The following UBXN8 variants were observed in gnomAD, a reference collection of about 807,000 sequenced individuals.
UBXN8 encodes UBX domain protein 8.
UBXN8 carries 27 observed loss-of-function variants against 32.1 expected under a neutral mutation model. That is an observed-to-expected ratio of 0.84 (90% confidence interval 0.62 to 1.16). The LOEUF is 1.16. UBXN8 is among the 50% of genes most tolerant of loss of function. UBXN8 has a pLI of 0.00. For missense variants in UBXN8, 306 were observed against 311.4 expected (o/e 0.98, Z 0.13); for synonymous variants, 109 against 111.8 (o/e 0.98, Z 0.16).
In UBXN8 at chr8:30,738,936, AC is replaced by A. The variant is rs1805129850; in HGVS notation, c.622+5629del. 1.3e-5 allele frequency among the ~76,000 whole-genome samples: 2 copies of A among 150,900 alleles called. 1 individual carries two copies. The highest frequency in any genetic ancestry group is 4.8e-5 in the African/African-American group (2 of 41,334). On this transcript the variant is annotated intron_variant, in intron 1 of 1. Coordinates refer to the UBXN8 transcript ENST00000522968. ...GTGCTATTGCACTCCAGCGTGGGCAACAAGAGTGAAACTCCATCTCAAAAAA... is the reference window on the plus strand; with the variant it reads ...GTGCTATTGCACTCCAGCGTGGGCAAAAGAGTGAAACTCCATCTCAAAAAA...
Position 30,766,300 on chromosome 8 carries a change from G to T in UBXN8, c.719G>T (p.Arg240Leu), listed in dbSNP as rs374213210. The T allele has an allele frequency of 6.2e-7, 1 of 1,613,840 alleles. No individual in the cohort carries two copies. The highest frequency in any genetic ancestry group is 1.1e-5 in the South Asian group (1 of 91,062). The change falls in exon 8 of 8, where the codon CGG becomes CTG. Residue 240 changes from arginine (R) to leucine (L), a missense_variant. Physicochemically the swap from Arg to Leu is moderately radical, Grantham distance 102 (BLOSUM62 -2). Transcript: ENST00000265616. ...LYSLSTSFPRRPLAVEGGQSL... is the reference protein window; with the variant it reads ...LYSLSTSFPRLPLAVEGGQSL... ...AGCCTTTCTACTTCCTTTCCCAGAC[G>T]GCCTCTGGCAGTGGAGGGAGGCCAG...
rs199591642 is a variant in UBXN8 at position 30,760,435 on chromosome 8, A to AT, written c.529-452dup. Among the ~76,000 whole-genome samples, 360 of 42,294 alleles carry AT rather than the reference A, an allele frequency of 8.5e-3. 2 individuals carry two copies. Among genetic ancestry groups the AT allele is most frequent in the African/African-American group, 0.035 (336 of 9,566 alleles). The allele number at this position is 42,294 out of a possible 152,430, so 27.7% of individuals were successfully genotyped here. A position where few individuals can be genotyped will look rare whatever the true frequency, so the allele number is the denominator to read the frequency against. Reference sequence around the variant, plus strand: ...CATACACAATCATATATATATATATATATATATATTTTTTTTTTTTTTTAA... The same window carrying AT: ...CATACACAATCATATATATATATATATTATATATATTTTTTTTTTTTTTTAA... On this transcript the variant is annotated intron_variant, in intron 5 of 7. Transcript: ENST00000265616.
chr8:30,761,699 G>A (rs906634338), intron 6 of UBXN8, among the ~76,000 whole-genome samples: 4 of 151,756 alleles, frequency 2.6e-5, no homozygotes, highest in African/African-American at 7.3e-5. Flanking sequence ...ATAGTGAGAC[G>A]CTGTCGCTAC....
At chr8:30,763,426 T>A (rs1586107971) in intron 7 of UBXN8, 79 bp downstream of exon 7, 2 of 1,358,226 alleles carry the variant, frequency 1.5e-6, no homozygotes, top group African/African-American at 2.9e-5. Flanking sequence ...TGGGGGAAGG[T>A]GTGATCACAC....
chr8:30,743,095 C>CA (rs1264774698), upstream of UBXN8, among the ~76,000 whole-genome samples: 1 of 151,870 alleles, frequency 6.6e-6, no homozygotes, highest in Non-Finnish European at 1.5e-5. Flanking sequence ...TTTTTTCTTG[C>CA]AAAGTGTTGG....
At chr8:30,751,753 A>G (rs1469068490) in intron 2 of UBXN8, among the ~76,000 whole-genome samples, 1 of 152,094 alleles carries the variant, frequency 6.6e-6, no homozygotes, top group Non-Finnish European at 1.5e-5. Context: ...TTTCTTATAT[A>G]TGTGTTTTAA....
intron 1 of UBXN8, among the ~76,000 whole-genome samples, chr8:30,745,563 G>A (rs1231118747): frequency 1.3e-5 from 2 of 152,110 alleles, no homozygotes; most frequent in African/African-American, 4.8e-5. Flanking sequence ...AATGTTGCGT[G>A]CAATAAGAAA....
At chr8:30,758,383 G>C (rs1586102944) in intron 5 of UBXN8, among the ~76,000 whole-genome samples, 2 of 152,256 alleles carry the variant, frequency 1.3e-5, no homozygotes, top group Admixed American at 1.3e-4. Context: ...TTAGCAATCA[G>C]TCACTTTGGA....
At chr8:30,758,256 C>T (rs917420054) in intron 5 of UBXN8, among the ~76,000 whole-genome samples, 8 of 152,248 alleles carry the variant, frequency 5.3e-5, no homozygotes, top group South Asian at 4.1e-4. Context: ...ATAATGCTTA[C>T]GAAGGGAAGC....
At chr8:30,749,608 CTTTT>C (rs35549734) in intron 1 of UBXN8, among the ~76,000 whole-genome samples, 5 of 115,050 alleles carry the variant, frequency 4.3e-5, no homozygotes, top group Admixed American at 9.1e-5. Context: ...TTCTTTTTTT[CTTTT>C]TTTTTTTTTT....
rs867312272 is a variant in UBXN8 at position 30,760,448 on chromosome 8, T to A, written c.529-440T>A. Among the ~76,000 whole-genome samples, 974 of 142,726 alleles carry A rather than the reference T, an allele frequency of 6.8e-3. 8 individuals carry two copies. The highest frequency in any genetic ancestry group is 0.017 in the East Asian group (85 of 4,934). The allele number at this position is 142,726 out of a possible 152,430, so 93.6% of individuals were successfully genotyped here. On this transcript the variant is annotated intron_variant, in intron 5 of 7. Coordinates refer to ENST00000265616, the MANE Select transcript of UBXN8 (RefSeq NM_005671.4). ...ATATATATATATATATATATATTTTTTTTTTTTTTTAAAGTGACAGGGTCT... is the reference window on the plus strand; with the variant it reads ...ATATATATATATATATATATATTTTATTTTTTTTTTAAAGTGACAGGGTCT...
At chr8:30,751,294 A>G (rs1805515732) in intron 1 of UBXN8, 102 bp from the exon 2 acceptor site, 1 of 956,200 alleles carries the variant, frequency 1.0e-6, no homozygotes, top group Non-Finnish European at 1.5e-6. Context: ...CAGGAGGATC[A>G]CGTGAGCTCA....
chr8:30,741,554 T>C (rs67050331), upstream of UBXN8, among the ~76,000 whole-genome samples: 31,995 of 148,350 alleles, frequency 0.22, 4,450 homozygotes, highest in African/African-American at 0.41. Flanking sequence ...TGAGTTCAAG[T>C]GATTCTGGTA....
upstream of UBXN8, among the ~76,000 whole-genome samples, chr8:30,740,321 T>C (rs1169475089): frequency 6.7e-6 from 1 of 149,122 alleles, no homozygotes; most frequent in Non-Finnish European, 1.5e-5. Context: ...ATGTATATCA[T>C]ATGAAGTATG....
intron 5 of UBXN8, among the ~76,000 whole-genome samples, chr8:30,758,510 A>AG (rs1262043917): frequency 6.6e-6 from 1 of 152,212 alleles, no homozygotes; most frequent in African/African-American, 2.4e-5. Context: ...ACTGGCCCTT[A>AG]GGGAAAGCTG....
intron 1 of UBXN8, among the ~76,000 whole-genome samples, chr8:30,745,977 C>T (rs1277486491): frequency 1.3e-5 from 2 of 152,104 alleles, no homozygotes; most frequent in East Asian, 3.8e-4. Flanking sequence ...TCTGGAACTC[C>T]TAGGCTCAAG....
chr8:30,764,056 A>G (rs1805933074), intron 7 of UBXN8, among the ~76,000 whole-genome samples: 1 of 152,220 alleles, frequency 6.6e-6, no homozygotes, highest in East Asian at 1.9e-4. Flanking sequence ...ATGGAAAAGT[A>G]GAGCGAGAAA....
chr8:30,730,781 G>A (rs538984413), upstream of UBXN8, among the ~76,000 whole-genome samples: 8 of 152,316 alleles, frequency 5.3e-5, no homozygotes, highest in African/African-American at 1.4e-4. Flanking sequence ...GAAAATCAAC[G>A]CATGATTAAC....
In UBXN8 at chr8:30,764,325, C is replaced by T. The variant is rs184991418; in HGVS notation, c.645+978C>T. On this transcript the variant is annotated intron_variant, in intron 7 of 7. Coordinates refer to ENST00000265616, the MANE Select transcript of UBXN8 (RefSeq NM_005671.4). ...GTAGCTGGGACCAGGCACACACCACCGTTCCTGGCTAATTTTTTATTTTTA... is the reference window on the plus strand; with the variant it reads ...GTAGCTGGGACCAGGCACACACCACTGTTCCTGGCTAATTTTTTATTTTTA... Among the ~76,000 whole-genome samples, 384 of 152,284 alleles carry T rather than the reference C, an allele frequency of 2.5e-3. 3 individuals carry two copies. Among genetic ancestry groups the T allele is most frequent in the African/African-American group, 8.6e-3 (359 of 41,568 alleles).
Sources: gnomAD v4.1 joint callset for allele counts (sites outside exome capture counted in the v4.1 genomes callset) on GRCh38, gnomAD v4.1.1 for gene constraint, MANE v1.5 for transcripts, NCBI Gene and HGNC (gene_info 2026-07-23, HGNC 2026-07-21) for gene names.